Variants in ZFAND3 observed in about 807,000 individuals in gnomAD.
The protein encoded by ZFAND3 is zinc finger AN1-type containing 3, also known as AN1-type zinc finger protein 3.
A neutral mutation model predicts 29.6 loss-of-function variants in ZFAND3; 10 were observed. The ratio of observed to expected loss-of-function variants is 0.34; its 90% CI spans 0.21 to 0.57. ZFAND3 has a LOEUF of 0.57. Among genes scored for constraint, ZFAND3 ranks in the 20% least tolerant of loss-of-function variants. ZFAND3 has a pLI of 0.86. For missense variants in ZFAND3, 230 were observed against 304.5 expected (o/e 0.76, Z 1.82); for synonymous variants, 128 against 112.6 (o/e 1.14, Z -0.87).
chr6:38,102,150 T>A (rs1037271393), intron 4 of ZFAND3, among the ~76,000 whole-genome samples: 6 of 152,114 alleles, frequency 3.9e-5, no homozygotes, highest in Non-Finnish European at 8.8e-5. Context: ...CTCCTTCATC[T>A]TCTTCTTCTT....
intron 2 of ZFAND3, among the ~76,000 whole-genome samples, chr6:38,001,623 CT>C (rs532216059): frequency 7.3e-5 from 11 of 151,384 alleles, no homozygotes; most frequent in East Asian, 1.9e-4. Flanking sequence ...GATGTTAGCA[CT>C]TTTTTTTTCA....
At chr6:38,016,183 T>C (rs1027441702) in intron 2 of ZFAND3, among the ~76,000 whole-genome samples, 3 of 152,184 alleles carry the variant, frequency 2.0e-5, no homozygotes, top group Non-Finnish European at 4.4e-5. Context: ...CCATCTGACT[T>C]TGGGCTTTAG....
chr6:37,927,578 C>T (rs867652907), intron 1 of ZFAND3, among the ~76,000 whole-genome samples: 13 of 152,302 alleles, frequency 8.5e-5, no homozygotes, highest in Admixed American at 3.3e-4. Context: ...AGTTCAAGTT[C>T]AGTTAGTTAA....
chr6:38,123,103 G>A (rs1765565473), intron 5 of ZFAND3, among the ~76,000 whole-genome samples: 1 of 152,228 alleles, frequency 6.6e-6, no homozygotes, highest in Non-Finnish European at 1.5e-5. Flanking sequence ...TTAGAAACAT[G>A]AAACATGTTG....
At chr6:37,821,560 G>A (rs997212589) in intron 1 of ZFAND3, among the ~76,000 whole-genome samples, 21 of 152,180 alleles carry the variant, frequency 1.4e-4, no homozygotes, top group African/African-American at 4.8e-4. Flanking sequence ...GGGTGGAGCT[G>A]GTGAGCTCTT....
chr6:37,999,975 T>C lies in ZFAND3; in HGVS notation c.113-61618T>C, dbSNP rs139573684. ...TATCCTGGCAACCTTTTTATAAATC[T>C]AAAACTATTACTAAAAAATAAAGCT... On this transcript the variant is annotated intron_variant, in intron 2 of 5. Transcript: ENST00000287218. 1.8e-4 allele frequency among the ~76,000 whole-genome samples: 27 copies of C among 152,278 alleles called. No individual in the cohort carries two copies. The East Asian group carries it at 4.6e-3, about 26-fold the overall frequency.
intron 5 of ZFAND3, among the ~76,000 whole-genome samples, chr6:38,149,672 G>A (rs1766182562): frequency 6.6e-6 from 1 of 152,122 alleles, no homozygotes; most frequent in Non-Finnish European, 1.5e-5. Context: ...CTCACTAGCT[G>A]GCGGAAGGCA....
chr6:37,979,502 A>C (rs1017261463), intron 2 of ZFAND3, among the ~76,000 whole-genome samples: 1 of 152,182 alleles, frequency 6.6e-6, no homozygotes, highest in African/African-American at 2.4e-5. Flanking sequence ...GTGTGTGTTT[A>C]AAAGTGGGTT....
rs544148597 is a variant in ZFAND3, at chr6:38,154,080, C to T, written c.*1691C>T. On this transcript the variant is annotated 3_prime_UTR_variant, in exon 6 of 6. Coordinates refer to ENST00000287218, the MANE Select transcript of ZFAND3 (RefSeq NM_021943.3). ...CAGCCTTAATTCTTGCTTCAGGACC[C>T]AGACCGGTGTCTTGCTCTAGGGCAA... 1 of 985,584 alleles carries T rather than the reference C, an allele frequency of 1.0e-6. No individual in the cohort carries two copies. The highest frequency in any genetic ancestry group is 1.1e-4 in the East Asian group (1 of 8,822). The allele number at this position is 985,584 out of a possible 1,614,324, so 61.1% of individuals were successfully genotyped here.
chr6:37,958,705 T>TAA (rs1157171921), intron 2 of ZFAND3, among the ~76,000 whole-genome samples: 1 of 152,042 alleles, frequency 6.6e-6, no homozygotes, highest in African/African-American at 2.4e-5. Flanking sequence ...TTAAGACTTC[T>TAA]AAAAAACCTT....
chr6:38,135,066 G>A (rs1415026128), intron 5 of ZFAND3, among the ~76,000 whole-genome samples: 1 of 152,166 alleles, frequency 6.6e-6, no homozygotes, highest in South Asian at 2.1e-4. Context: ...TCAGTCTCTC[G>A]AAGTCGTGTT....
intron 2 of ZFAND3, among the ~76,000 whole-genome samples, chr6:37,992,155 C>T (rs1222878212): frequency 6.6e-6 from 1 of 152,148 alleles, no homozygotes; most frequent in Non-Finnish European, 1.5e-5. Context: ...CTTTTAAATT[C>T]ACTCACCCTT....
At chr6:37,963,408 T>G (rs180741996) in intron 2 of ZFAND3, among the ~76,000 whole-genome samples, 3 of 152,120 alleles carry the variant, frequency 2.0e-5, no homozygotes, top group Non-Finnish European at 4.4e-5. Flanking sequence ...AAACTTCAGA[T>G]AAATAACAAT....
chr6:38,105,452 A>G (rs1379914172), intron 4 of ZFAND3, among the ~76,000 whole-genome samples: 2 of 152,194 alleles, frequency 1.3e-5, no homozygotes, highest in Non-Finnish European at 2.9e-5. Flanking sequence ...TTGTGTACAC[A>G]CTGTATGGTT....
At chr6:38,076,933 C>T (rs887120288) in intron 3 of ZFAND3, among the ~76,000 whole-genome samples, 6 of 152,062 alleles carry the variant, frequency 3.9e-5, no homozygotes, top group African/African-American at 1.2e-4. Context: ...ACTGTCAATT[C>T]TTTGCTATTT....
At chr6:38,066,929 A>G (rs560295966) in intron 3 of ZFAND3, among the ~76,000 whole-genome samples, 107 of 152,336 alleles carry the variant, frequency 7.0e-4, no homozygotes, top group African/African-American at 2.5e-3. Context: ...TCCCTGTCCC[A>G]AACTGTGTGT....
At chr6:37,911,699 A>G (rs1300796486) in intron 1 of ZFAND3, among the ~76,000 whole-genome samples, 2 of 152,166 alleles carry the variant, frequency 1.3e-5, no homozygotes, top group African/African-American at 2.4e-5. Flanking sequence ...TATATTATCT[A>G]CAGTAACAGA....
intron 4 of ZFAND3, among the ~76,000 whole-genome samples, chr6:38,104,535 T>G (rs1174970007): frequency 1.3e-5 from 2 of 152,038 alleles, no homozygotes; most frequent in East Asian, 3.9e-4. Flanking sequence ...AAATCCAAGA[T>G]TAAGCCTAAG....
At chr6:37,953,865 T>A (rs1350293564) in intron 2 of ZFAND3, among the ~76,000 whole-genome samples, 1 of 152,224 alleles carries the variant, frequency 6.6e-6, no homozygotes, top group East Asian at 1.9e-4. Context: ...CTCTCTGGTA[T>A]CATTTCCTTT....
Sources: allele counts gnomAD v4.1 joint callset (sites outside exome capture counted in the v4.1 genomes callset), GRCh38; gene constraint gnomAD v4.1.1; transcripts MANE v1.5; gene names NCBI Gene and HGNC (gene_info 2026-07-23, HGNC 2026-07-21).